EMID1: variants seen among roughly 807,000 people sequenced by gnomAD.
The protein encoded by EMID1 is EMI domain containing 1.
Under a neutral mutation model 60.6 loss-of-function variants are expected in EMID1, and 40 were observed. That is an observed-to-expected ratio of 0.66 (90% confidence interval 0.51 to 0.86). EMID1 has a LOEUF of 0.86. Among genes scored for constraint, EMID1 ranks in the 40% least tolerant of loss-of-function variants. EMID1 has a pLI of 0.00. For missense variants in EMID1, 585 were observed against 597.1 expected, an observed-to-expected ratio of 0.98 and a Z score of 0.21; for synonymous variants, 242 against 231.0, an observed-to-expected ratio of 1.05 and a Z score of -0.43.
In EMID1 at chr22:29,258,044, C is replaced by T. The variant is rs553950502; in HGVS notation, c.1205-773C>T. Reference sequence around the variant, plus strand: ...GGACAGCCCACTCCATGGCAGTGCCCTCAGTGGGAACCTGGTGTTTACCAG... The same window carrying T: ...GGACAGCCCACTCCATGGCAGTGCCTTCAGTGGGAACCTGGTGTTTACCAG... On this transcript the variant is annotated intron_variant, in intron 14 of 14. Coordinates refer to ENST00000334018, the MANE Select transcript of EMID1 (RefSeq NM_133455.4). 2.0e-5 allele frequency among the ~76,000 whole-genome samples: 3 copies of T among 152,294 alleles called. No homozygotes were observed. In the South Asian group the frequency reaches 6.2e-4, roughly 32 times the overall value.
intron 1 of EMID1, among the ~76,000 whole-genome samples, chr22:29,210,670 A>G (rs564108963): frequency 8.4e-4 from 128 of 152,306 alleles, no homozygotes; most frequent in African/African-American, 2.6e-3. Flanking sequence ...AGCTGTGACT[A>G]CAGGCAAGCA....
chr22:29,258,292 G>T (rs915319661), intron 14 of EMID1, among the ~76,000 whole-genome samples: 1 of 152,154 alleles, frequency 6.6e-6, no homozygotes, highest in South Asian at 2.1e-4. Flanking sequence ...GTTCCATCCG[G>T]AACTGTCCCT....
rs80070388 is a variant in EMID1 at position 29,257,757 on chromosome 22, T to C, written c.1205-1060T>C. On this transcript the variant is annotated intron_variant, in intron 14 of 14. Transcript: ENST00000334018. ...TCACAAGGGTGTGAAAATGGGACTATTATGCCCACGTTCCAGATGACGCTC... is the reference window on the plus strand; with the variant it reads ...TCACAAGGGTGTGAAAATGGGACTACTATGCCCACGTTCCAGATGACGCTC... Among the ~76,000 whole-genome samples, 604 of 152,348 alleles carry C rather than the reference T, an allele frequency of 4.0e-3. 31 individuals carry two copies. The East Asian group carries it at 0.1, about 26-fold the overall frequency.
At chr22:29,213,745 C>A (rs1370999466) in intron 1 of EMID1, among the ~76,000 whole-genome samples, 1 of 152,152 alleles carries the variant, frequency 6.6e-6, no homozygotes, top group African/African-American at 2.4e-5. Flanking sequence ...GGGTCCCCCA[C>A]CCCTCCCAGA....
At chr22:29,212,580 T>C (rs1191809351) in intron 1 of EMID1, among the ~76,000 whole-genome samples, 1 of 151,214 alleles carries the variant, frequency 6.6e-6, no homozygotes. Context: ...TTTTTTTTTT[T>C]TGATACGGAG....
chr22:29,232,308 T>C lies in EMID1; in HGVS notation c.729T>C (p.Pro243=), dbSNP rs1285380711. The change falls in exon 8 of 15, where the codon CCT becomes CCC. Residue 243 remains proline (P), a synonymous_variant. Coordinates refer to ENST00000334018, the MANE Select transcript of EMID1 (RefSeq NM_133455.4). Reference sequence around the variant, plus strand: ...GCCGGGCTGGAGCTGTGGGCACCCCTGGAGAGAGGGGACCTCCTGGGCCAC... The same window carrying C: ...GCCGGGCTGGAGCTGTGGGCACCCCCGGAGAGAGGGGACCTCCTGGGCCAC... ...SPGRAGAVGT[P]GERGPPGPPG... 1.2e-6 allele frequency: 2 copies of C among 1,611,000 alleles called. No homozygotes were observed. The highest frequency in any genetic ancestry group is 2.2e-5 in the East Asian group (1 of 44,866).
chr22:29,232,521 G>C, intron 8 of EMID1, 119 bp downstream of exon 8: 4 of 1,162,830 alleles, frequency 3.4e-6, no homozygotes, highest in Non-Finnish European at 4.7e-6. Flanking sequence ...TAGGCCACAT[G>C]TGACCCAGTC....
At chr22:29,235,151 C>G (rs1057110706) in intron 12 of EMID1, among the ~76,000 whole-genome samples, 1 of 152,034 alleles carries the variant, frequency 6.6e-6, no homozygotes, top group African/African-American at 2.4e-5. Context: ...AGTTCAAGAC[C>G]AGCCTGGTCA....
Position 29,231,602 on chromosome 22 carries a change from G to C in EMID1, c.596G>C (p.Gly199Ala). The C allele has an allele frequency of 6.5e-7, 1 of 1,535,358 alleles. No homozygotes were observed. The highest frequency in any genetic ancestry group is 8.8e-7 in the Non-Finnish European group (1 of 1,138,016). The change falls in exon 7 of 15, where the codon GGT becomes GCT. Residue 199 changes from glycine (G) to alanine (A), a missense_variant. Physicochemically the swap from Gly to Ala is moderately conservative, Grantham distance 60. Coordinates refer to ENST00000334018, the MANE Select transcript of EMID1 (RefSeq NM_133455.4). ...ATGCTTTACCCCCCAGACCAAGTCG[G>C]TGCTTGGGGGCTTCCCGGGCCCACC... is the stretch of plus-strand genomic sequence containing the variant. ...PGDGGLQDQV[G>A]AWGLPGPTGP...
Position 29,254,206 on chromosome 22 carries a change from G to A in EMID1, c.1123G>A (p.Glu375Lys), listed in dbSNP as rs150270618. Residue 375 changes from glutamate to lysine, a missense_variant, in exon 14 of 15, where the codon GAG becomes AAG. By Grantham distance (56) the Glu-to-Lys change is moderately conservative. Coordinates refer to ENST00000334018, the MANE Select transcript of EMID1 (RefSeq NM_133455.4). ...GDPGEKSHWGEGLHQLREALK... is the reference protein window; with the variant it reads ...GDPGEKSHWGKGLHQLREALK... The stretch of plus-strand genomic sequence containing the variant: ...CATCTGTCTCTTTCCTCCACAGGGG[G>A]AGGGGTTGCACCAGCTACGCGAGGC... The A allele has an allele frequency of 2.5e-6, 4 of 1,614,146 alleles. No homozygotes were observed. The highest frequency in any genetic ancestry group is 3.4e-6 in the Non-Finnish European group (4 of 1,180,002).
At chr22:29,258,146 C>T (rs1004615121) in intron 14 of EMID1, among the ~76,000 whole-genome samples, 3 of 152,184 alleles carry the variant, frequency 2.0e-5, no homozygotes, top group African/African-American at 7.2e-5. Flanking sequence ...TCCATCTCCC[C>T]CTAGAAAAAC....
At position 29,232,208 on chromosome 22, in the gene EMID1, G is replaced by A. The variant is rs775184280; in HGVS notation, c.677-48G>A. On this transcript the variant is annotated intron_variant, in intron 7 of 14. Coordinates refer to ENST00000334018, the MANE Select transcript of EMID1 (RefSeq NM_133455.4). ...GTCCTGTCGCTCAAGGCCACCCTGG[G>A]CCTCCTTGCCTCCTGTATACCCACA... 9.9e-6 allele frequency: 16 copies of A among 1,610,546 alleles called. No individual in the cohort carries two copies. In the East Asian group the frequency reaches 2.9e-4, roughly 29 times the overall value.
chr22:29,236,198 A>G (rs1258502926), intron 12 of EMID1, among the ~76,000 whole-genome samples: 3 of 152,122 alleles, frequency 2.0e-5, no homozygotes, highest in African/African-American at 7.2e-5. Flanking sequence ...GTTTGAGACT[A>G]GAGTGGGCAA....
intron 4 of EMID1, among the ~76,000 whole-genome samples, chr22:29,225,458 T>C (rs1287339812): frequency 6.6e-6 from 1 of 152,226 alleles, no homozygotes; most frequent in Non-Finnish European, 1.5e-5. Context: ...CCCTGGACTC[T>C]TGCAGATGCC....
At chr22:29,232,484 C>T in intron 8 of EMID1, 82 bp downstream of exon 8, 1 of 1,414,932 alleles carries the variant, frequency 7.1e-7, no homozygotes. Context: ...CTGCCACGTG[C>T]CTTCTGTGTG....
At chr22:29,251,150 TCTC>T (rs2041514389) in intron 13 of EMID1, among the ~76,000 whole-genome samples, 1 of 151,988 alleles carries the variant, frequency 6.6e-6, no homozygotes, top group Admixed American at 6.6e-5. Flanking sequence ...AGTGGTACGA[TCTC>T]AGCCCAGTGC....
At chr22:29,227,829 G>C (rs1207772576) in intron 5 of EMID1, among the ~76,000 whole-genome samples, 2 of 151,428 alleles carry the variant, frequency 1.3e-5, no homozygotes, top group African/African-American at 4.9e-5. Flanking sequence ...GCCTGGCTAA[G>C]ATGGTGAAAC....
At chr22:29,244,649 AAAG>A (rs1357331687) in intron 13 of EMID1, among the ~76,000 whole-genome samples, 4 of 149,930 alleles carry the variant, frequency 2.7e-5, no homozygotes, top group African/African-American at 5.0e-5. Flanking sequence ...AAAAAAAAAA[AAAG>A]AAAAGAAAAG....
chr22:29,223,816 C>CTT (rs2040393206), intron 3 of EMID1, among the ~76,000 whole-genome samples: 1 of 152,330 alleles, frequency 6.6e-6, no homozygotes, highest in African/African-American at 2.4e-5. Flanking sequence ...ATACTAGCAC[C>CTT]CACTCACAGT....
Sources: allele counts gnomAD v4.1 joint callset (sites outside exome capture counted in the v4.1 genomes callset), GRCh38; gene constraint gnomAD v4.1.1; transcripts MANE v1.5; gene names NCBI Gene and HGNC (gene_info 2026-07-23, HGNC 2026-07-21).